The following NRXN2 variants were observed in gnomAD, a reference collection of about 807,000 sequenced individuals.
The protein encoded by NRXN2 is neurexin 2.
NRXN2 carries 29 observed loss-of-function variants against 128.8 expected under a neutral mutation model. That is an observed-to-expected ratio of 0.23 (90% CI 0.17 to 0.31). NRXN2 has a LOEUF of 0.31. NRXN2 is among the 10% of genes least tolerant of loss of function. The pLI, the probability that NRXN2 is intolerant of heterozygous loss-of-function variation, is 1.00. For missense variants in NRXN2, 1,881 were observed against 2,452.6 expected (o/e 0.77, Z 4.92); for synonymous variants, 1,098 against 1,075.2 (o/e 1.02, Z -0.41).
rs370758460 is a variant in NRXN2 at position 64,667,078 on chromosome 11, G to A, written c.1798+172C>T. ...CAAATGCTGTGCTCTTTCTGCCAAT[G>A]TCCGATGACAGAAAGGACAATTGGG... On this transcript the variant is annotated intron_variant, in intron 9 of 22. Transcript: ENST00000265459. This position sits in a 1 kb window ranked among gnomAD's most constrained non-coding sequence, Gnocchi z 5.6. Among the ~76,000 whole-genome samples the A allele has an allele frequency of 6.6e-6, 1 of 152,166 alleles. No individual in the cohort carries two copies. Among genetic ancestry groups the A allele is most frequent in the African/African-American group, 2.4e-5 (1 of 41,428 alleles).
intron 15 of NRXN2, 60 bp downstream of exon 15, chr11:64,650,388 T>C: frequency 6.4e-7 from 1 of 1,573,930 alleles, no homozygotes; most frequent in Non-Finnish European, 8.7e-7. Context: ...TGGGGTGATC[T>C]CGCTGGGGTG....
intron 17 of NRXN2, among the ~76,000 whole-genome samples, chr11:64,636,780 C>A (rs1466245705): frequency 6.6e-6 from 1 of 151,680 alleles, no homozygotes; most frequent in Admixed American, 6.6e-5. Context: ...AAGGAGCAGG[C>A]CTTGCCAGCA....
At chr11:64,661,235 TCCACCTTG>T in intron 9 of NRXN2, 96 bp from the exon 10 acceptor site, 1 of 1,584,260 alleles carries the variant, frequency 6.3e-7, no homozygotes, top group Non-Finnish European at 8.5e-7. Context: ...TGTGGGCCCC[TCCACCTTG>T]TGCCCTGCAG....
intron 1 of NRXN2, among the ~76,000 whole-genome samples, chr11:64,721,002 C>T (rs886391818): frequency 6.6e-6 from 1 of 151,824 alleles, no homozygotes; most frequent in Non-Finnish European, 1.5e-5. Context: ...TCTGGGGGCA[C>T]GTAGTGGCCG....
intron 22 of NRXN2, among the ~76,000 whole-genome samples, chr11:64,612,662 T>G (rs1253558241): frequency 5.3e-5 from 8 of 152,228 alleles, no homozygotes; most frequent in African/African-American, 1.9e-4. Flanking sequence ...GGCCCCTGAC[T>G]GGAACTACCC....
chr11:64,614,501 G>A (rs2041166072), intron 22 of NRXN2, among the ~76,000 whole-genome samples: 1 of 152,252 alleles, frequency 6.6e-6, no homozygotes. Context: ...TGGAGAAGGA[G>A]GACTGGGAGG....
intron 11 of NRXN2, among the ~76,000 whole-genome samples, chr11:64,654,794 G>C (rs1192742161): frequency 6.6e-6 from 1 of 152,216 alleles, no homozygotes; most frequent in Admixed American, 6.5e-5. Flanking sequence ...GGCTGGAGCT[G>C]CAGAAATCCT....
intron 17 of NRXN2, among the ~76,000 whole-genome samples, chr11:64,641,767 A>G (rs761998750): frequency 1.1e-4 from 17 of 152,104 alleles, no homozygotes; most frequent in Non-Finnish European, 1.9e-4. Context: ...GAGGACTGAC[A>G]CAGGAGGGGA....
chr11:64,701,121 T>A (rs1156482463), intron 2 of NRXN2, among the ~76,000 whole-genome samples: 1 of 152,168 alleles, frequency 6.6e-6, no homozygotes, highest in Non-Finnish European at 1.5e-5. Flanking sequence ...GCCTAGGAGA[T>A]GATGCCCTCT....
chr11:64,721,024 T>G (rs978437891), intron 1 of NRXN2, among the ~76,000 whole-genome samples: 1 of 151,864 alleles, frequency 6.6e-6, no homozygotes, highest in Non-Finnish European at 1.5e-5. Flanking sequence ...GTGTGTGTTG[T>G]GTACATGGCA....
chr11:64,658,463 A>C (rs937812019), intron 11 of NRXN2, among the ~76,000 whole-genome samples: 3 of 152,216 alleles, frequency 2.0e-5, no homozygotes, highest in African/African-American at 7.2e-5. Context: ...CCCGCTCTAC[A>C]GGCTGTGATC....
chr11:64,718,214 T>C (rs1218712855), intron 1 of NRXN2, among the ~76,000 whole-genome samples: 1 of 152,108 alleles, frequency 6.6e-6, no homozygotes, highest in Non-Finnish European at 1.5e-5. Flanking sequence ...TGGTGATCCA[T>C]GCCCACACAA....
chr11:64,667,433 C>T lies in NRXN2; in HGVS notation c.1615G>A (p.Gly539Arg). 2 of 1,614,198 alleles carry T rather than the reference C, an allele frequency of 1.2e-6. No homozygotes were observed. Among genetic ancestry groups the T allele is most frequent in the East Asian group, 2.2e-5 (1 of 44,884 alleles). Reference sequence around the variant, plus strand: ...GAGCTGTGGCTGCCAGCTCCACCCCCAGCCCGCCGGCCCTGGCTGAAGAGC... The same window carrying T: ...GAGCTGTGGCTGCCAGCTCCACCCCTAGCCCGCCGGCCCTGGCTGAAGAGC... ...LLLFSQGRRA[G>R]GGAGSHSSAQ... Residue 539 changes from glycine (G) to arginine (R), a missense_variant, in exon 9 of 23, where the codon GGG (glycine) becomes AGG (arginine). Gly to Arg is a moderately radical substitution (Grantham distance 125). Around this residue, in one of 7 missense-constraint regions of NRXN2, gnomAD observed 997 missense variants for 1,240.8 expected, o/e 0.80. Transcript: ENST00000265459. This position sits in a 1 kb window ranked among gnomAD's most constrained non-coding sequence, Gnocchi z 5.6.
At chr11:64,610,765 CA>C (rs1409617145) in intron 22 of NRXN2, among the ~76,000 whole-genome samples, 1 of 152,174 alleles carries the variant, frequency 6.6e-6, no homozygotes. Flanking sequence ...GGGGCAAACT[CA>C]GCTGTCAGCT....
In NRXN2 at chr11:64,654,389, G is replaced by C. The variant is rs150188020; in HGVS notation, c.2390-667C>G. ...AGTCCTTCACCCTGAAGAGGACCTAGTATTAACCTGCTTTCCTAGTCAGAG... is the reference window on the plus strand; with the variant it reads ...AGTCCTTCACCCTGAAGAGGACCTACTATTAACCTGCTTTCCTAGTCAGAG... On this transcript the variant is annotated intron_variant, in intron 11 of 22. Transcript: ENST00000265459. Among the ~76,000 whole-genome samples, 12 of 152,340 alleles carry C rather than the reference G, an allele frequency of 7.9e-5. No homozygotes were observed. In the East Asian group the frequency reaches 2.3e-3, roughly 29 times the overall value.
In NRXN2 at chr11:64,685,676, G is replaced by A. The variant is rs147676220; in HGVS notation, c.1122C>T (p.His374=). The part of the protein sequence containing the change: ...VNGKFNDNAW[H]DVRVTRNLRQ... ...GCAGGTTTCGGGTGACCCGGACGTC[G>A]TGCCAGGCGTTGTCGTTGAACTTGC... is the stretch of plus-strand genomic sequence containing the variant. The change falls in exon 6 of 23, where the codon CAC becomes CAT. Residue 374 remains histidine (H), a synonymous_variant. Coordinates refer to ENST00000265459, the MANE Select transcript of NRXN2 (RefSeq NM_015080.4). 3.2e-5 allele frequency: 52 copies of A among 1,614,058 alleles called. No individual in the cohort carries two copies. The highest frequency in any genetic ancestry group is 1.6e-4 in the Middle Eastern group (1 of 6,084).
chr11:64,657,562 G>C (rs199674879), intron 11 of NRXN2, among the ~76,000 whole-genome samples: 2 of 152,146 alleles, frequency 1.3e-5, no homozygotes, highest in Non-Finnish European at 2.9e-5. Context: ...CACCACAGAC[G>C]TAGGCAGAGT....
At chr11:64,682,232 C>T (rs1373987151) in intron 6 of NRXN2, among the ~76,000 whole-genome samples, 3 of 149,024 alleles carry the variant, frequency 2.0e-5, no homozygotes, top group African/African-American at 7.5e-5. Flanking sequence ...TGGGGCAGTC[C>T]CCCATTATTG....
chr11:64,708,974 T>C (rs969690744), intron 2 of NRXN2, among the ~76,000 whole-genome samples: 2 of 152,092 alleles, frequency 1.3e-5, no homozygotes, highest in African/African-American at 4.8e-5. Context: ...GGCGGATCAC[T>C]TGAGGCCGGG....
Sources: gnomAD v4.1 joint callset for allele counts (sites outside exome capture counted in the v4.1 genomes callset) on GRCh38, gnomAD v4.1.1 for gene constraint, gnomAD v4.1.1 regional missense constraint, Gnocchi (gnomAD v3.1) non-coding constraint, MANE v1.5 for transcripts, NCBI Gene and HGNC (gene_info 2026-07-23, HGNC 2026-07-21) for gene names.